SRSF11: variants seen among roughly 807,000 people sequenced by gnomAD.
The protein encoded by SRSF11 is serine and arginine rich splicing factor 11, also known as serine/arginine-rich splicing factor 11.
Under a neutral mutation model 56.0 loss-of-function variants are expected in SRSF11, and 9 were observed. The ratio of observed to expected loss-of-function variants is 0.16; its 90% CI spans 0.10 to 0.28. SRSF11 has a LOEUF of 0.28. SRSF11 is among the 10% of genes least tolerant of loss of function. SRSF11 has a pLI of 1.00. For synonymous variants in SRSF11, 222 were observed against 215.3 expected, an observed-to-expected ratio of 1.03 and a Z score of -0.27; for missense variants, 421 against 600.7, an observed-to-expected ratio of 0.70 and a Z score of 3.13.
chr1:70,231,091 A>T (rs1443678157), intron 2 of SRSF11: 1 of 1,289,548 alleles, frequency 7.8e-7, no homozygotes, highest in Non-Finnish European at 1.0e-6. Flanking sequence ...GTTGTGTTTT[A>T]CAGTTCTTTT....
chr1:70,222,970 GGA>G (rs1311910783), intron 1 of SRSF11, among the ~76,000 whole-genome samples: 1 of 152,164 alleles, frequency 6.6e-6, no homozygotes, highest in African/African-American at 2.4e-5. Context: ...ATGTACATGT[GGA>G]GAGAGGATTT....
At chr1:70,249,839 C>A in intron 9 of SRSF11, 113 bp from the exon 10 acceptor site, 1 of 1,125,642 alleles carries the variant, frequency 8.9e-7, no homozygotes, top group Non-Finnish European at 1.3e-6. Flanking sequence ...GGATTATAGG[C>A]ATGAGCCACT....
chr1:70,233,314 G>A (rs1014190506), intron 3 of SRSF11, among the ~76,000 whole-genome samples: 6 of 151,780 alleles, frequency 4.0e-5, no homozygotes, highest in Admixed American at 2.6e-4. Flanking sequence ...GCACAGTCTC[G>A]GCTCACCGCA....
chr1:70,224,193 G>C (rs577016061), intron 1 of SRSF11, among the ~76,000 whole-genome samples: 2 of 152,170 alleles, frequency 1.3e-5, no homozygotes, highest in African/African-American at 4.8e-5. Flanking sequence ...TAAGAGACTT[G>C]AGCATCTGTG....
At chr1:70,234,829 G>A in intron 4 of SRSF11, 41 bp downstream of exon 4, 1 of 1,492,084 alleles carries the variant, frequency 6.7e-7, no homozygotes, top group Non-Finnish European at 9.2e-7. Flanking sequence ...CATTTTTACA[G>A]AAGATCTGTT....
chr1:70,213,746 A>G (rs547267856), intron 1 of SRSF11, among the ~76,000 whole-genome samples: 1 of 152,266 alleles, frequency 6.6e-6, no homozygotes, highest in African/African-American at 2.4e-5. Context: ...AACAACCCCA[A>G]TGAGGTGGGC....
intron 5 of SRSF11, 73 bp from the exon 6 acceptor site, chr1:70,237,352 A>G: frequency 1.9e-6 from 3 of 1,574,432 alleles, no homozygotes; most frequent in Non-Finnish European, 2.6e-6. Context: ...AATGTTATAT[A>G]CTTAAGTATT....
chr1:70,243,900 A>G (rs1676128703), intron 7 of SRSF11, among the ~76,000 whole-genome samples: 1 of 152,150 alleles, frequency 6.6e-6, no homozygotes, highest in East Asian at 1.9e-4. Flanking sequence ...ATAGAGGAGA[A>G]TGAGTTTTAA....
At chr1:70,227,659 G>GA (rs554721704) in intron 1 of SRSF11, among the ~76,000 whole-genome samples, 1 of 152,050 alleles carries the variant, frequency 6.6e-6, no homozygotes, top group Non-Finnish European at 1.5e-5. Context: ...CTTAACAGTT[G>GA]AAAAAAACCC....
intron 5 of SRSF11, 93 bp downstream of exon 5, chr1:70,235,643 GTTATC>G (rs1673812714): frequency 1.6e-6 from 2 of 1,256,836 alleles, no homozygotes; most frequent in Non-Finnish European, 2.2e-6. Context: ...AAGTTATCAA[GTTATC>G]TTTTCTCAAG....
intron 2 of SRSF11, chr1:70,231,584 T>C: frequency 8.9e-7 from 1 of 1,126,290 alleles, no homozygotes; most frequent in Non-Finnish European, 1.1e-6. Context: ...ATGTGCCATG[T>C]TGTTTTACCT....
At chr1:70,230,292 G>T in intron 2 of SRSF11, 1 of 999,222 alleles carries the variant, frequency 1.0e-6, no homozygotes, top group Non-Finnish European at 1.2e-6. Flanking sequence ...TTTAATTCTG[G>T]TATGATATGC....
intron 1 of SRSF11, among the ~76,000 whole-genome samples, chr1:70,215,740 A>G (rs1229973025): frequency 6.6e-6 from 1 of 152,194 alleles, no homozygotes; most frequent in African/African-American, 2.4e-5. Flanking sequence ...AACTGCAAAC[A>G]GGGTTCCCAG....
chr1:70,229,576 CTGG>C, intron 2 of SRSF11: 1 of 984,808 alleles, frequency 1.0e-6, no homozygotes, highest in Non-Finnish European at 1.2e-6. Context: ...GATAAAACTG[CTGG>C]ATTTTAAGTT....
intron 5 of SRSF11, among the ~76,000 whole-genome samples, chr1:70,236,792 ATTTTTTTTTT>A (rs35602423): frequency 1.1e-4 from 9 of 83,738 alleles, no homozygotes; most frequent in East Asian, 6.2e-4. Flanking sequence ...TATGTCATAA[ATTTTTTTTTT>A]TTTTTTTTTT....
chr1:70,247,214 A>C (rs1676955351), intron 9 of SRSF11: 4 of 613,636 alleles, frequency 6.5e-6, no homozygotes. Flanking sequence ...TCCATTAAGT[A>C]AGCTTATTAT....
intron 1 of SRSF11, among the ~76,000 whole-genome samples, chr1:70,211,442 C>T (rs752481939): frequency 4.0e-4 from 61 of 152,138 alleles, no homozygotes; most frequent in African/African-American, 1.4e-3. Flanking sequence ...TAGCAAAGCT[C>T]GCCTACAGTT....
At chr1:70,245,351 C>T (rs527976962) in intron 8 of SRSF11, among the ~76,000 whole-genome samples, 2 of 152,264 alleles carry the variant, frequency 1.3e-5, no homozygotes, top group South Asian at 4.1e-4. Flanking sequence ...GCTGGGGACA[C>T]AACATAACTT....
At position 70,250,953 on chromosome 1, in the gene SRSF11, T is replaced by G. The variant is rs1327351517; in HGVS notation, c.*148T>G. The G allele has an allele frequency of 1.2e-5, 8 of 667,992 alleles. No individual in the cohort carries two copies. The East Asian group carries it at 1.9e-4, about 16-fold the overall frequency. 41.4% of individuals were successfully genotyped at this position (667,992 alleles called of 1,614,324 possible). A position where few individuals can be genotyped will look rare whatever the true frequency, so the allele number is the denominator to read the frequency against. ...ATAAAGCTCCTGTTACTCATATTAG[T>G]TATTTACATCAAAAAGCTTTTAGAA... On this transcript the variant is annotated 3_prime_UTR_variant, in exon 12 of 12. Coordinates refer to ENST00000370949, the MANE Select transcript of SRSF11 (RefSeq NM_001350605.2).
Sources: allele counts gnomAD v4.1 joint callset (sites outside exome capture counted in the v4.1 genomes callset), GRCh38; gene constraint gnomAD v4.1.1; transcripts MANE v1.5; gene names NCBI Gene and HGNC (gene_info 2026-07-23, HGNC 2026-07-21).